TMPRSS11F: variants seen among roughly 807,000 people sequenced by gnomAD.
TMPRSS11F encodes the protein transmembrane protease serine 11F.
TMPRSS11F carries 47 observed loss-of-function variants against 60.2 expected under a neutral mutation model. The ratio of observed to expected loss-of-function variants is 0.78; its 90% CI spans 0.62 to 1.00. The LOEUF (loss-of-function observed/expected upper bound fraction) is 1.00, where lower values mean the gene tolerates loss of function less well. Ranked by LOEUF, TMPRSS11F falls within the 50% of genes least tolerant of loss-of-function variation. The pLI is 0.00. For synonymous variants in TMPRSS11F, 166 were observed against 167.3 expected (o/e 0.99, Z 0.06); for missense variants, 519 against 522.9 (o/e 0.99, Z 0.07).
chr4:68,121,034 T>C (rs994862901), intron 1 of TMPRSS11F, among the ~76,000 whole-genome samples: 1 of 152,194 alleles, frequency 6.6e-6, no homozygotes, highest in Non-Finnish European at 1.5e-5. Flanking sequence ...TTTATTGCAG[T>C]GGTCTGGAAT....
intron 1 of TMPRSS11F, among the ~76,000 whole-genome samples, chr4:68,122,026 C>CT (rs1044203598): frequency 9.2e-5 from 14 of 152,236 alleles, no homozygotes; most frequent in South Asian, 2.1e-4. Context: ...TAAATAACCA[C>CT]TTTTTTTATT....
intron 9 of TMPRSS11F, among the ~76,000 whole-genome samples, chr4:68,055,512 G>GTGGAAAACCTGAAGAAA (rs1723025807): frequency 6.6e-6 from 1 of 152,148 alleles, no homozygotes. Context: ...TCATGAAGAA[G>GTGGAAAACCTGAAGAAA]TGGAAAACCT....
chr4:68,082,059 G>A (rs777152051), intron 3 of TMPRSS11F, among the ~76,000 whole-genome samples: 10 of 152,262 alleles, frequency 6.6e-5, no homozygotes, highest in Non-Finnish European at 1.3e-4. Context: ...ATCTCTGGGA[G>A]AGAAAACACT....
At chr4:68,095,006 G>A (rs1237402777) in intron 2 of TMPRSS11F, among the ~76,000 whole-genome samples, 1 of 151,868 alleles carries the variant, frequency 6.6e-6, no homozygotes, top group African/African-American at 2.4e-5. Context: ...AAAAAATACT[G>A]AGACAACTGG....
At chr4:68,076,271 ATTT>A (rs754908869) in intron 3 of TMPRSS11F, among the ~76,000 whole-genome samples, 9 of 152,188 alleles carry the variant, frequency 5.9e-5, no homozygotes, top group Admixed American at 1.3e-4. Context: ...GCTGGTGATA[ATTT>A]TTCTGCTTTA....
chr4:68,129,626 G>A (rs1418391468), intron 1 of TMPRSS11F, among the ~76,000 whole-genome samples, 184 bp downstream of exon 1: 3 of 151,814 alleles, frequency 2.0e-5, no homozygotes, highest in Non-Finnish European at 4.4e-5. Flanking sequence ...GGCCTCTGTT[G>A]TTCAAAAAAA....
intron 2 of TMPRSS11F, among the ~76,000 whole-genome samples, chr4:68,093,349 A>G (rs1344147996): frequency 6.6e-6 from 1 of 152,200 alleles, no homozygotes. Context: ...AGCCATATGT[A>G]GAAAGCTGAA....
At chr4:68,125,072 A>C (rs1229548652) in intron 1 of TMPRSS11F, among the ~76,000 whole-genome samples, 1 of 151,426 alleles carries the variant, frequency 6.6e-6, no homozygotes, top group Non-Finnish European at 1.5e-5. Context: ...AAAAAATAAA[A>C]CAAGACCAGG....
At chr4:68,116,409 G>A (rs899699452) in intron 1 of TMPRSS11F, among the ~76,000 whole-genome samples, 1 of 151,972 alleles carries the variant, frequency 6.6e-6, no homozygotes, top group African/African-American at 2.4e-5. Flanking sequence ...TTGTTAAAAT[G>A]CCCATACTAC....
chr4:68,092,796 T>C (rs926602309), intron 2 of TMPRSS11F, among the ~76,000 whole-genome samples: 8 of 152,134 alleles, frequency 5.3e-5, no homozygotes, highest in Non-Finnish European at 1.2e-4. Flanking sequence ...CATATCCCTA[T>C]ATTGTCTTTA....
intron 1 of TMPRSS11F, among the ~76,000 whole-genome samples, chr4:68,107,146 G>A (rs539653600): frequency 6.6e-6 from 1 of 152,244 alleles, no homozygotes; most frequent in African/African-American, 2.4e-5. Flanking sequence ...TACTATGACT[G>A]CCAAGTATAG....
At chr4:68,092,085 C>A (rs1017493653) in intron 2 of TMPRSS11F, among the ~76,000 whole-genome samples, 1 of 152,110 alleles carries the variant, frequency 6.6e-6, no homozygotes, top group African/African-American at 2.4e-5. Flanking sequence ...CGCACCTGGC[C>A]AGATCTCCAA....
At chr4:68,100,542 G>A (rs2109872720) in intron 1 of TMPRSS11F, among the ~76,000 whole-genome samples, 1 of 152,196 alleles carries the variant, frequency 6.6e-6, no homozygotes, top group East Asian at 1.9e-4. Context: ...TGATTGATCA[G>A]CTGTGGGACA....
At chr4:68,064,649 T>C in intron 8 of TMPRSS11F, 36 bp downstream of exon 8, 7 of 1,603,126 alleles carry the variant, frequency 4.4e-6, no homozygotes, top group Non-Finnish European at 6.0e-6. Flanking sequence ...TCTCAAGACA[T>C]TCTTGTGCTA....
At position 68,109,765 on chromosome 4, in the gene TMPRSS11F, G is replaced by A. The variant is rs187007359; in HGVS notation, c.12-10727C>T. ...TCAGATCTTTATGATCATCCCACATGACCCTCCATTGGGTTTATTTCTGTG... is the reference window on the plus strand; with the variant it reads ...TCAGATCTTTATGATCATCCCACATAACCCTCCATTGGGTTTATTTCTGTG... On this transcript the variant is annotated intron_variant, in intron 1 of 9. Coordinates refer to ENST00000356291, the MANE Select transcript of TMPRSS11F (RefSeq NM_207407.2). Among the ~76,000 whole-genome samples the A allele has an allele frequency of 2.6e-5, 4 of 152,222 alleles. No individual in the cohort carries two copies. The East Asian group carries it at 7.7e-4, about 29-fold the overall frequency.
chr4:68,100,094 G>C (rs1257802615), intron 1 of TMPRSS11F, among the ~76,000 whole-genome samples: 2 of 151,442 alleles, frequency 1.3e-5, no homozygotes, highest in Non-Finnish European at 2.9e-5. Context: ...TGGGGGGAAG[G>C]GAGGAATGTG....
intron 3 of TMPRSS11F, among the ~76,000 whole-genome samples, chr4:68,074,278 A>C (rs1265872783): frequency 6.6e-6 from 1 of 152,208 alleles, no homozygotes; most frequent in African/African-American, 2.4e-5. Flanking sequence ...GCCTCTGTAA[A>C]ATGGGATAAC....
At chr4:68,092,106 C>A (rs1723956322) in intron 2 of TMPRSS11F, among the ~76,000 whole-genome samples, 1 of 152,058 alleles carries the variant, frequency 6.6e-6, no homozygotes, top group Non-Finnish European at 1.5e-5. Flanking sequence ...TCTCTTACTG[C>A]ATTTTAAACA....
chr4:68,129,715 C>A, intron 1 of TMPRSS11F, 95 bp downstream of exon 1: 1 of 1,107,386 alleles, frequency 9.0e-7, no homozygotes, highest in Non-Finnish European at 1.3e-6. Flanking sequence ...ATGTTTAAAT[C>A]AATCTCCACC....
Sources: gnomAD v4.1 joint callset for allele counts (sites outside exome capture counted in the v4.1 genomes callset) on GRCh38, gnomAD v4.1.1 for gene constraint, MANE v1.5 for transcripts, NCBI Gene and HGNC (gene_info 2026-07-23, HGNC 2026-07-21) for gene names.